The following BRINP3 variants were observed in gnomAD, a reference collection of about 807,000 sequenced individuals.
BRINP3 encodes the protein BMP/retinoic acid-inducible neural-specific protein 3.
In BRINP3, 19 loss-of-function variants were observed where a neutral mutation model predicts 71.0. That is an observed-to-expected ratio of 0.27 (90% CI 0.19 to 0.39). The LOEUF (loss-of-function observed/expected upper bound fraction) is 0.39, where lower values mean the gene tolerates loss of function less well. Among genes scored for constraint, BRINP3 ranks in the 10% least tolerant of loss-of-function variants. The probability of loss-of-function intolerance (pLI) is 1.00; values close to 1 mark genes in which losing one functional copy is unlikely to be tolerated. For missense variants in BRINP3, 959 were observed against 940.8 expected (o/e 1.02, Z -0.25); for synonymous variants, 380 against 337.7 (o/e 1.13, Z -1.37).
intron 1 of BRINP3, among the ~76,000 whole-genome samples, chr1:190,466,183 A>G (rs966888110): frequency 1.3e-5 from 2 of 151,722 alleles, no homozygotes; most frequent in Non-Finnish European, 3.0e-5. Context: ...AAAAACTAAA[A>G]GTATAAAAAT....
At chr1:190,286,386 T>G (rs1177139590) in intron 2 of BRINP3, among the ~76,000 whole-genome samples, 1 of 152,152 alleles carries the variant, frequency 6.6e-6, no homozygotes, top group Non-Finnish European at 1.5e-5. Flanking sequence ...TTTAAATATA[T>G]ACAAATACAC....
At chr1:190,365,856 T>C (rs1309236447) in intron 2 of BRINP3, among the ~76,000 whole-genome samples, 1 of 144,564 alleles carries the variant, frequency 6.9e-6, no homozygotes, top group Non-Finnish European at 1.5e-5. Flanking sequence ...ATATATAATG[T>C]ATATATCCTG....
chr1:190,127,502 T>A (rs956840455), intron 7 of BRINP3, among the ~76,000 whole-genome samples: 3 of 151,896 alleles, frequency 2.0e-5, no homozygotes, highest in African/African-American at 7.2e-5. Context: ...CTTTTTACAG[T>A]TCTGAATATA....
At chr1:190,404,173 T>C (rs570212536) in intron 2 of BRINP3, among the ~76,000 whole-genome samples, 2 of 152,162 alleles carry the variant, frequency 1.3e-5, no homozygotes, top group Non-Finnish European at 2.9e-5. Flanking sequence ...CTCTATAGTT[T>C]TGTTATTTAC....
intron 6 of BRINP3, among the ~76,000 whole-genome samples, chr1:190,175,256 C>A (rs1431286009): frequency 2.6e-5 from 4 of 152,086 alleles, no homozygotes; most frequent in Non-Finnish European, 5.9e-5. Context: ...AGGGATTGAT[C>A]TAGAGTAGAA....
At chr1:190,226,990 TA>T (rs1558084778) in intron 5 of BRINP3, among the ~76,000 whole-genome samples, 2 of 151,952 alleles carry the variant, frequency 1.3e-5, no homozygotes, top group Non-Finnish European at 2.9e-5. Flanking sequence ...TGCTATCTCT[TA>T]AAAAACTGTC....
intron 2 of BRINP3, among the ~76,000 whole-genome samples, chr1:190,429,999 C>T (rs536814536): frequency 6.6e-6 from 1 of 152,274 alleles, no homozygotes; most frequent in Admixed American, 6.5e-5. Flanking sequence ...AATCTTGTTA[C>T]ATGAGATTCT....
In BRINP3 at chr1:190,098,865, T is replaced by C. The variant is rs766087895; in HGVS notation, c.1454A>G (p.Tyr485Cys). The C allele has an allele frequency of 1.2e-6, 2 of 1,614,182 alleles. No individual in the cohort carries two copies. Among genetic ancestry groups the C allele is most frequent in the Admixed American group, 3.3e-5 (2 of 60,026 alleles). Residue 485 changes from tyrosine (Y) to cysteine (C), a missense_variant, in exon 8 of 8, where the codon TAT becomes TGT. By Grantham distance (194) the Tyr-to-Cys change is radical. Transcript: ENST00000367462. Reference protein sequence around the residue: ...KPEVAESTDHYIGFETDLQDL... With the variant: ...KPEVAESTDHCIGFETDLQDL... ...TTGCAGGTCAGTTTCAAAGCCAATA[T>C]AGTGATCGGTGGACTCGGCGACTTC...
At chr1:190,176,210 C>T (rs1652494360) in intron 6 of BRINP3, among the ~76,000 whole-genome samples, 1 of 152,074 alleles carries the variant, frequency 6.6e-6, no homozygotes, top group Admixed American at 6.6e-5. Context: ...GAACATACTC[C>T]ACACTTCCCT....
intron 6 of BRINP3, among the ~76,000 whole-genome samples, chr1:190,198,781 C>T (rs1438268681): frequency 6.6e-6 from 1 of 152,152 alleles, no homozygotes; most frequent in African/African-American, 2.4e-5. Context: ...ATCAACAAGT[C>T]TCTAAGAAGT....
At chr1:190,454,145 A>G (rs997635992) in intron 2 of BRINP3, among the ~76,000 whole-genome samples, 1 of 152,200 alleles carries the variant, frequency 6.6e-6, no homozygotes, top group African/African-American at 2.4e-5. Flanking sequence ...GATCTTTGCT[A>G]TCATGTCCTA....
At chr1:190,164,233 T>C (rs914156326) in intron 6 of BRINP3, among the ~76,000 whole-genome samples, 4 of 152,188 alleles carry the variant, frequency 2.6e-5, no homozygotes, top group Non-Finnish European at 5.9e-5. Flanking sequence ...CTTTAGAATA[T>C]ATTTTCAAAG....
At chr1:190,348,611 C>T (rs1300079903) in intron 2 of BRINP3, among the ~76,000 whole-genome samples, 1 of 152,086 alleles carries the variant, frequency 6.6e-6, no homozygotes, top group Non-Finnish European at 1.5e-5. Flanking sequence ...CACTATGGCT[C>T]CATATTTTCA....
At position 190,447,034 on chromosome 1, in the gene BRINP3, TAGA is replaced by T. The variant is rs527472931; in HGVS notation, c.236+7618_236+7620del. ...TCTTCCATGTATTCATAATTTAAGT[TAGA>T]AGGTGATTTTAGTGCAATATACATG... is the stretch of plus-strand genomic sequence containing the variant. On this transcript the variant is annotated intron_variant, in intron 2 of 7. Transcript: ENST00000367462. Among the ~76,000 whole-genome samples, 14 of 151,908 alleles carry T rather than the reference TAGA, an allele frequency of 9.2e-5. No homozygotes were observed. The East Asian group carries it at 2.5e-3, about 27-fold the overall frequency.
At position 190,240,901 on chromosome 1, in the gene BRINP3, C is replaced by A. The variant is rs868237422; in HGVS notation, c.619-6424G>T. Among the ~76,000 whole-genome samples, 662 of 105,468 alleles carry A rather than the reference C, an allele frequency of 6.3e-3. 2 individuals are homozygous for A. Among genetic ancestry groups the A allele is most frequent in the African/African-American group, 0.024 (571 of 24,216 alleles). The allele number at this position is 105,468 out of a possible 152,430, so 69.2% of individuals were successfully genotyped here. ...AAAAAAAAAAAAAAAAAAAAAAAAA[C>A]CACCCTCAAGGTATTCTCAGAAATA... On this transcript the variant is annotated intron_variant, in intron 4 of 7. Coordinates refer to ENST00000367462, the MANE Select transcript of BRINP3 (RefSeq NM_199051.3).
In BRINP3 at chr1:190,174,187, A is replaced by G. The variant is rs1463467434; in HGVS notation, c.962-13297T>C. On this transcript the variant is annotated intron_variant, in intron 6 of 7. Coordinates refer to ENST00000367462, the MANE Select transcript of BRINP3 (RefSeq NM_199051.3). ...AATCCTCATCAGTCCTATGAAGTAAATAAGAGTAGCTCTGCTCTATTGACT... is the reference window on the plus strand; with the variant it reads ...AATCCTCATCAGTCCTATGAAGTAAGTAAGAGTAGCTCTGCTCTATTGACT... 2.0e-5 allele frequency among the ~76,000 whole-genome samples: 3 copies of G among 152,142 alleles called. No homozygotes were observed. In the East Asian group the frequency reaches 5.8e-4, roughly 29 times the overall value.
chr1:190,459,711 G>A (rs1676255456), intron 1 of BRINP3, among the ~76,000 whole-genome samples: 1 of 151,882 alleles, frequency 6.6e-6, no homozygotes, highest in South Asian at 2.1e-4. Flanking sequence ...GATTTTTGCT[G>A]CTTACATATC....
chr1:190,306,617 A>T (rs1665118196), intron 2 of BRINP3, among the ~76,000 whole-genome samples: 1 of 151,906 alleles, frequency 6.6e-6, no homozygotes, highest in South Asian at 2.1e-4. Flanking sequence ...TATAAGGATT[A>T]AGTTTGAAAC....
rs1657285367 is a variant in BRINP3, at chr1:190,160,787, A to G, written c.1065T>C (p.Tyr355=). 3 of 1,613,656 alleles carry G rather than the reference A, an allele frequency of 1.9e-6. No individual in the cohort carries two copies. The highest frequency in any genetic ancestry group is 4.5e-5 in the East Asian group (2 of 44,820). The change falls in exon 7 of 8, where the codon TAT becomes TAC. Residue 355 remains tyrosine (Y), a synonymous_variant. Transcript: ENST00000367462. ...WTMDSNFQRR[Y]EQLENSMKQL... is the part of the protein sequence containing the mutation. ...GTTTCATGCTGTTCTCCAGTTGTTCATAACGGCGCTGAAAATTAGAATCCA... is the reference window on the plus strand; with the variant it reads ...GTTTCATGCTGTTCTCCAGTTGTTCGTAACGGCGCTGAAAATTAGAATCCA...
Sources: gnomAD v4.1 joint callset for allele counts (sites outside exome capture counted in the v4.1 genomes callset) on GRCh38, gnomAD v4.1.1 for gene constraint, MANE v1.5 for transcripts, NCBI Gene and HGNC (gene_info 2026-07-23, HGNC 2026-07-21) for gene names.